The following TTN variants were observed in gnomAD, a reference collection of about 807,000 sequenced individuals.
The protein encoded by TTN is titin.
TTN carries 1,525 observed loss-of-function variants against 3,223.0 expected under a neutral mutation model. The observed-to-expected ratio is 0.47, with a 90% CI of 0.45 to 0.49. The LOEUF is 0.49. TTN is among the 20% of genes least tolerant of loss of function. TTN has a pLI of 0.00. For synonymous variants in TTN, 14,094 were observed against 15,161.0 expected (o/e 0.93, Z 5.17); for missense variants, 40,786 against 43,424.0 (o/e 0.94, Z 5.40).
chr2:178,602,361 G>C lies in TTN; in HGVS notation c.55041C>G (p.Phe18347Leu), dbSNP rs761905658. 4 of 1,612,886 alleles carry C rather than the reference G, an allele frequency of 2.5e-6. No homozygotes were observed. Among genetic ancestry groups the C allele is most frequent in the Non-Finnish European group, 3.4e-6 (4 of 1,179,322 alleles). Residue 18347 changes from phenylalanine to leucine, a missense_variant, in exon 283 of 363, where the codon TTC becomes TTG. Physicochemically the swap from Phe to Leu is conservative, Grantham distance 22. Coordinates refer to ENST00000589042, the MANE Select transcript of TTN (RefSeq NM_001267550.2). ...CAGCTTCATTGACAGCTTTCACTCTGAATCTGTACTTCCTGAGCTCTTTCA... is the reference window on the plus strand; with the variant it reads ...CAGCTTCATTGACAGCTTTCACTCTCAATCTGTACTTCCTGAGCTCTTTCA... ...PNLKELRKYR[F>L]RVKAVNEAGE...
chr2:178,746,176 A>C (rs529571649), intron 47 of TTN: 1 of 1,613,326 alleles, frequency 6.2e-7, no homozygotes, highest in South Asian at 1.1e-5. Flanking sequence ...TAACTTCGGG[A>C]GTCGGGATCC....
rs779064623 is a variant in TTN at position 178,534,725 on chromosome 2, G to A, written c.101890C>T (p.Arg33964Cys). ...AAGTTGTCCCCTGGTTTCAGCTGAC[G>A]GGCTTGACCAAATTCTATGATTTTA... ...TIKIIEFGQARQLKPGDNFRL... is the reference protein window; with the variant it reads ...TIKIIEFGQACQLKPGDNFRL... The change falls in exon 358 of 363, where the codon CGT becomes TGT. Residue 33964 changes from arginine (R) to cysteine (C), a missense_variant. By Grantham distance (180) the Arg-to-Cys change is radical. Coordinates refer to ENST00000589042, the MANE Select transcript of TTN (RefSeq NM_001267550.2). The A allele has an allele frequency of 1.2e-5, 20 of 1,613,646 alleles. No individual in the cohort carries two copies. Among genetic ancestry groups the A allele is most frequent in the Non-Finnish European group, 1.6e-5 (19 of 1,179,782 alleles).
intron 113 of TTN, among the ~76,000 whole-genome samples, chr2:178,696,867 G>C (rs375273824): frequency 6.6e-6 from 1 of 151,958 alleles, no homozygotes; most frequent in East Asian, 1.9e-4. Context: ...ATAAGGAATG[G>C]CCCTTCCTTT....
In TTN at chr2:178,533,342, C is replaced by T; in HGVS notation, c.103273G>A (p.Asp34425Asn). ...GLDYYALHIR[D>N]TLPEDTGYYR... ...TAACCCGTGTCTTCAGGCAAAGTGT[C>T]CCTGATGTGCAGAGCATAATAATCC... Residue 34425 changes from aspartate to asparagine, a missense_variant, in exon 358 of 363, where the codon GAC (aspartate) becomes AAC (asparagine). Asp to Asn is a conservative substitution (Grantham distance 23, BLOSUM62 1). Transcript: ENST00000589042. 1.9e-6 allele frequency: 3 copies of T among 1,613,652 alleles called. No homozygotes were observed. The South Asian group carries it at 3.3e-5, about 18-fold the overall frequency.
chr2:178,567,647 C>T lies in TTN; in HGVS notation c.78485G>A (p.Arg26162Lys), dbSNP rs145185269. Residue 26162 changes from arginine (R) to lysine (K), a missense_variant, in exon 326 of 363, where the codon AGA becomes AAA. By Grantham distance (26) the Arg-to-Lys change is conservative. Coordinates refer to ENST00000589042, the MANE Select transcript of TTN (RefSeq NM_001267550.2). ...ACCAGCTGCATTCTTTGCAATGACT[C>T]TGAATTCATATCTTTGATCTTCAGT... Reference protein sequence around the residue: ...GLTEDQRYEFRVIAKNAAGAI... With the variant: ...GLTEDQRYEFKVIAKNAAGAI... The T allele has an allele frequency of 5.6e-6, 9 of 1,612,396 alleles. No homozygotes were observed. The highest frequency in any genetic ancestry group is 7.6e-6 in the Non-Finnish European group (9 of 1,178,896).
chr2:178,724,802 G>T, intron 71 of TTN: 1 of 313,988 alleles, frequency 3.2e-6, no homozygotes, highest in Non-Finnish European at 5.7e-6. Flanking sequence ...TTATTCTTAA[G>T]AAATATATGT....
At chr2:178,641,796 CAGAA>C (rs2061271999) in intron 219 of TTN, among the ~76,000 whole-genome samples, 1 of 151,682 alleles carries the variant, frequency 6.6e-6, no homozygotes, top group South Asian at 2.1e-4. Context: ...TTTTATTAGT[CAGAA>C]AGAAATGTTC....
chr2:178,632,474 C>T (rs1329632740), intron 235 of TTN, 52 bp downstream of exon 235: 1 of 1,588,948 alleles, frequency 6.3e-7, no homozygotes, highest in East Asian at 2.2e-5. Flanking sequence ...AAATATAAAA[C>T]TAAAGGCAAA....
rs1397600715 is a variant in TTN at position 178,639,756 on chromosome 2, G to T, written c.40819C>A (p.Pro13607Thr). The stretch of plus-strand genomic sequence containing the variant: ...GGGGCAGCGATGGGGGTTGGTTCAG[G>T]TTCCACAGGAGGTGGTTTGATTGTT... ...VKTIKPPPVE[P>T]EPTPIAAPVT... is the part of the protein sequence containing the mutation. The change falls in exon 223 of 363, where the codon CCT becomes ACT. Residue 13607 changes from proline (P) to threonine (T), a missense_variant. By Grantham distance (38) the Pro-to-Thr change is conservative (BLOSUM62 -1). Transcript: ENST00000589042. The T allele has an allele frequency of 1.6e-5, 25 of 1,606,002 alleles. No homozygotes were observed. The highest frequency in any genetic ancestry group is 1.8e-5 in the Non-Finnish European group (21 of 1,176,760).
In TTN at chr2:178,563,537, G is replaced by C. The variant is rs763850217; in HGVS notation, c.82595C>G (p.Thr27532Ser). 2 of 1,613,774 alleles carry C rather than the reference G, an allele frequency of 1.2e-6. No individual in the cohort carries two copies. The highest frequency in any genetic ancestry group is 2.2e-5 in the East Asian group (1 of 44,850). Residue 27532 changes from threonine to serine, a missense_variant, in exon 326 of 363, where the codon ACT (threonine) becomes AGT (serine). Coordinates refer to ENST00000589042, the MANE Select transcript of TTN (RefSeq NM_001267550.2). This position sits in a 1 kb window ranked among gnomAD's most constrained non-coding sequence, Gnocchi z 4.5. ...KTLTDLRLRVTGLTEGHSYEF... is the reference protein window; with the variant it reads ...KTLTDLRLRVSGLTEGHSYEF... ...ATAGGAATGGCCTTCGGTAAGACCA[G>C]TTACCCTGAGCCGCAGATCCGTTAA... is the stretch of plus-strand genomic sequence containing the variant.
Position 178,557,933 on chromosome 2 carries a change from G to A in TTN, c.87421C>T (p.Pro29141Ser). Residue 29141 changes from proline (P) to serine (S), a missense_variant, in exon 328 of 363, where the codon CCA becomes TCA. Pro to Ser is a moderately conservative substitution (Grantham distance 74, BLOSUM62 -1). Coordinates refer to ENST00000589042, the MANE Select transcript of TTN (RefSeq NM_001267550.2). The stretch of plus-strand genomic sequence containing the variant: ...TCACTAATAACAACAGGGCCAGTTG[G>A]AGGACCAGGCCTGTCTAGCACAACA... ...NIVVLDRPGP[P>S]TGPVVISDIT... is the part of the protein sequence containing the mutation. 2 of 1,613,200 alleles carry A rather than the reference G, an allele frequency of 1.2e-6. No individual in the cohort carries two copies. Among genetic ancestry groups the A allele is most frequent in the Non-Finnish European group, 1.7e-6 (2 of 1,179,854 alleles).
In TTN at chr2:178,756,391, G is replaced by A. The variant is rs774236128; in HGVS notation, c.11085C>T (p.His3695=). Reference sequence around the variant, plus strand: ...CGGATTCCTCTATCTTTGCACCTTCGTGAGTCCAGGTTACATCAATGAAAG... The same window carrying A: ...CGGATTCCTCTATCTTTGCACCTTCATGAGTCCAGGTTACATCAATGAAAG... The part of the protein sequence containing the change: ...DDSFIDVTWT[H]EGAKIEESER... Residue 3695 remains histidine (H), a synonymous_variant, in exon 46 of 363, where the codon CAC becomes CAT. Coordinates refer to ENST00000589042, the MANE Select transcript of TTN (RefSeq NM_001267550.2). 38 of 1,613,546 alleles carry A rather than the reference G, an allele frequency of 2.4e-5. No individual in the cohort carries two copies. Among genetic ancestry groups the A allele is most frequent in the South Asian group, 1.9e-4 (17 of 91,072 alleles).
chr2:178,589,095 G>C lies in TTN; in HGVS notation c.62630C>G (p.Ser20877Cys), dbSNP rs1406472135. Residue 20877 changes from serine to cysteine, a missense_variant, in exon 304 of 363, where the codon TCC becomes TGC. By Grantham distance (112) the Ser-to-Cys change is moderately radical (BLOSUM62 -1). Transcript: ENST00000589042. Reference protein sequence around the residue: ...PVRNLKIVDVSSDRCTVCWDP... With the variant: ...PVRNLKIVDVCSDRCTVCWDP... ...CCAGCAAACAGTACACCTATCACTG[G>C]ACACATCAACAATTTTCAGATTTCT... is the stretch of plus-strand genomic sequence containing the variant. 3 of 1,610,390 alleles carry C rather than the reference G, an allele frequency of 1.9e-6. No individual in the cohort carries two copies. The highest frequency in any genetic ancestry group is 1.7e-5 in the Admixed American group (1 of 59,944).
At chr2:178,793,281 G>A in intron 9 of TTN, 123 bp downstream of exon 9, 1 of 1,396,804 alleles carries the variant, frequency 7.2e-7, no homozygotes. Context: ...TACAACAAGG[G>A]GATCTTATTA....
rs1377067134 is a variant in TTN at position 178,562,511 on chromosome 2, T to C, written c.83621A>G (p.Asp27874Gly). The change falls in exon 326 of 363, where the codon GAT becomes GGT. Residue 27874 changes from aspartate (D) to glycine (G), a missense_variant. By Grantham distance (94) the Asp-to-Gly change is moderately conservative. Coordinates refer to ENST00000589042, the MANE Select transcript of TTN (RefSeq NM_001267550.2). ...PLPPGRVTLV[D>G]VTRNTATIKW... Reference sequence around the variant, plus strand: ...AATTGTAGCTGTATTACGGGTCACATCAACAAGAGTTACTCTTCCAGGTGG... The same window carrying C: ...AATTGTAGCTGTATTACGGGTCACACCAACAAGAGTTACTCTTCCAGGTGG... 5 of 1,611,704 alleles carry C rather than the reference T, an allele frequency of 3.1e-6. No individual in the cohort carries two copies. Among genetic ancestry groups the C allele is most frequent in the Non-Finnish European group, 4.2e-6 (5 of 1,179,320 alleles).
chr2:178,607,373 C>T, intron 277 of TTN, 28 bp downstream of exon 277: 1 of 1,612,642 alleles, frequency 6.2e-7, no homozygotes, highest in East Asian at 2.2e-5. Flanking sequence ...TGGGAAAATC[C>T]TGTGAAAATC....
Position 178,777,861 on chromosome 2 carries a change from A to G in TTN, c.4323T>C (p.Arg1441=). 1.1e-5 allele frequency: 18 copies of G among 1,614,038 alleles called. No individual in the cohort carries two copies. The highest frequency in any genetic ancestry group is 1.5e-5 in the Non-Finnish European group (18 of 1,179,934). Residue 1441 remains arginine (R), a synonymous_variant, in exon 25 of 363, where the codon CGT becomes CGC. Coordinates refer to ENST00000589042, the MANE Select transcript of TTN (RefSeq NM_001267550.2). ...GTGACTCATCTGTCTCCTCCAGCCT[A>G]CGTCCAGGGGACATTCTTGCAGGGG... ...RMSPARMSPG[R]RLEETDESQL...
chr2:178,559,341 C>T lies in TTN; in HGVS notation c.86791G>A (p.Ala28931Thr). 6.2e-7 allele frequency: 1 copy of T among 1,600,848 alleles called. No homozygotes were observed. The highest frequency in any genetic ancestry group is 8.5e-7 in the Non-Finnish European group (1 of 1,173,218). The change falls in exon 326 of 363, where the codon GCT becomes ACT. Residue 28931 changes from alanine to threonine, a missense_variant. Transcript: ENST00000589042. ...ATTTTTACTCCTTCCTTTGTTTCAG[C>T]TGGTATACCAACACCAAACTCATTT... ...GENEFGVGIP[A>T]ETKEGVKITE... is the part of the protein sequence containing the mutation.
In TTN at chr2:178,531,453, AG is replaced by A. The variant is rs1689079381; in HGVS notation, c.105161del (p.Pro35054LeufsTer3). On this transcript the variant is annotated frameshift_variant, in exon 358 of 363. Transcript: ENST00000589042. LOFTEE classifies it high-confidence loss of function. ...RDEEVPRSVFPELTRTEAYAV... is the reference protein window; with the variant it reads ...RDEEVPRSVFXELTRTEAYAV... ...CATACGCCTCTGTTCTTGTCAGCTC[AG>A]GGAAAACAGATCTGGGGACCTCTTC... The A allele has an allele frequency of 6.2e-7, 1 of 1,613,802 alleles. No individual in the cohort carries two copies. Among genetic ancestry groups the A allele is most frequent in the African/African-American group, 1.3e-5 (1 of 74,922 alleles).
Sources: allele counts gnomAD v4.1 joint callset (sites outside exome capture counted in the v4.1 genomes callset), GRCh38; gene constraint gnomAD v4.1.1; non-coding constraint Gnocchi (gnomAD v3.1); transcripts MANE v1.5; gene names NCBI Gene and HGNC (gene_info 2026-07-23, HGNC 2026-07-21).